DIAPH3: variants seen among roughly 807,000 people sequenced by gnomAD.
DIAPH3 encodes the protein diaphanous related formin 3.
DIAPH3 carries 117 observed loss-of-function variants against 144.3 expected under a neutral mutation model. The observed-to-expected ratio is 0.81, with a 90% CI of 0.70 to 0.95. The LOEUF (loss-of-function observed/expected upper bound fraction) is 0.95, where lower values mean the gene tolerates loss of function less well. Among genes scored for constraint, DIAPH3 ranks in the 40% least tolerant of loss-of-function variants. The probability of loss-of-function intolerance (pLI) is 0.00; values close to 1 mark genes in which losing one functional copy is unlikely to be tolerated. For missense variants in DIAPH3, 1,421 were observed against 1,412.7 expected (o/e 1.01, Z -0.09); for synonymous variants, 519 against 488.9 (o/e 1.06, Z -0.81).
At chr13:59,990,264 T>A (rs903771684) in intron 12 of DIAPH3, among the ~76,000 whole-genome samples, 2 of 151,796 alleles carry the variant, frequency 1.3e-5, no homozygotes, top group Non-Finnish European at 2.9e-5. Context: ...TTGGGTCTCC[T>A]CCTTGCTTGT....
chr13:59,828,464 T>C (rs551074914), intron 24 of DIAPH3, among the ~76,000 whole-genome samples: 1 of 151,928 alleles, frequency 6.6e-6, no homozygotes, highest in South Asian at 2.1e-4. Flanking sequence ...AACCTTGGCT[T>C]TTCTTGCAAA....
At chr13:60,061,402 G>A (rs1419047129) in intron 4 of DIAPH3, among the ~76,000 whole-genome samples, 1 of 152,054 alleles carries the variant, frequency 6.6e-6, no homozygotes, top group Non-Finnish European at 1.5e-5. Context: ...AAAGCTGTAT[G>A]TTAGAAATAC....
intron 14 of DIAPH3, among the ~76,000 whole-genome samples, chr13:59,976,926 A>T (rs964565429): frequency 6.6e-6 from 1 of 151,848 alleles, no homozygotes; most frequent in African/African-American, 2.4e-5. Context: ...TGTTTTTTGA[A>T]TGTTGCTATT....
intron 17 of DIAPH3, among the ~76,000 whole-genome samples, chr13:59,963,512 T>A (rs777715605): frequency 4.6e-5 from 7 of 152,146 alleles, no homozygotes; most frequent in Non-Finnish European, 1.0e-4. Flanking sequence ...AAGTCCTCTG[T>A]ATCTACTTCT....
Position 59,989,175 on chromosome 13 carries a change from G to A in DIAPH3, c.1361+1983C>T, listed in dbSNP as rs566326251. Reference sequence around the variant, plus strand: ...AAGATTGCTGAAAAGGTAAAATAGAGGTCCTTCTGAGGTAGATGAAACCAA... The same window carrying A: ...AAGATTGCTGAAAAGGTAAAATAGAAGTCCTTCTGAGGTAGATGAAACCAA... On this transcript the variant is annotated intron_variant, in intron 12 of 27. Coordinates refer to ENST00000400324, the MANE Select transcript of DIAPH3 (RefSeq NM_001042517.2). Among the ~76,000 whole-genome samples, 205 of 151,690 alleles carry A rather than the reference G, an allele frequency of 1.4e-3. 1 individual carries two copies. Among genetic ancestry groups the A allele is most frequent in the African/African-American group, 4.3e-3 (177 of 41,432 alleles).
chr13:59,883,823 A>G (rs2045251328), intron 20 of DIAPH3, among the ~76,000 whole-genome samples: 1 of 151,916 alleles, frequency 6.6e-6, no homozygotes, highest in African/African-American at 2.4e-5. Context: ...TAATTTCTTC[A>G]CAGTAGTTAT....
At chr13:59,875,570 A>G (rs2044570927) in intron 21 of DIAPH3, among the ~76,000 whole-genome samples, 1 of 152,140 alleles carries the variant, frequency 6.6e-6, no homozygotes, top group South Asian at 2.1e-4. Context: ...TGTTGTTTAT[A>G]ACACTATTCA....
At chr13:59,977,722 G>A (rs912148297) in intron 14 of DIAPH3, among the ~76,000 whole-genome samples, 1 of 151,736 alleles carries the variant, frequency 6.6e-6, no homozygotes, top group Non-Finnish European at 1.5e-5. Context: ...CTGACCGAAT[G>A]AAGGAAATGA....
At chr13:59,934,336 T>C (rs1334355778) in intron 17 of DIAPH3, among the ~76,000 whole-genome samples, 1 of 152,166 alleles carries the variant, frequency 6.6e-6, no homozygotes, top group Non-Finnish European at 1.5e-5. Flanking sequence ...TTATAATAAA[T>C]TACCTTTCTA....
intron 27 of DIAPH3, among the ~76,000 whole-genome samples, chr13:59,717,289 T>C (rs1489231062): frequency 6.6e-6 from 1 of 152,266 alleles, no homozygotes; most frequent in East Asian, 1.9e-4. Flanking sequence ...CGATTAAGCT[T>C]TAAGTACTTT....
intron 4 of DIAPH3, among the ~76,000 whole-genome samples, chr13:60,080,914 G>A (rs1284068340): frequency 6.6e-6 from 1 of 151,920 alleles, no homozygotes; most frequent in Non-Finnish European, 1.5e-5. Context: ...AGATGCCTAT[G>A]AACTCAATTT....
At chr13:59,874,767 T>G (rs1461243447) in intron 21 of DIAPH3, among the ~76,000 whole-genome samples, 1 of 152,188 alleles carries the variant, frequency 6.6e-6, no homozygotes, top group Non-Finnish European at 1.5e-5. Context: ...GTGGTAAAAC[T>G]CCTTCAAAAC....
At chr13:59,925,560 G>A (rs1457940884) in intron 17 of DIAPH3, among the ~76,000 whole-genome samples, 1 of 152,060 alleles carries the variant, frequency 6.6e-6, no homozygotes, top group Non-Finnish European at 1.5e-5. Context: ...GTGTAAAGCT[G>A]GCCTTGTAGC....
At chr13:59,972,461 T>C (rs1252161236) in intron 15 of DIAPH3, among the ~76,000 whole-genome samples, 3 of 152,216 alleles carry the variant, frequency 2.0e-5, no homozygotes, top group Admixed American at 6.5e-5. Flanking sequence ...TAATAAATGT[T>C]ACATAATTTT....
At chr13:59,892,693 C>G (rs2045880875) in intron 20 of DIAPH3, among the ~76,000 whole-genome samples, 1 of 151,756 alleles carries the variant, frequency 6.6e-6, no homozygotes, top group African/African-American at 2.4e-5. Context: ...ATTAAAAATA[C>G]TCAATCCAAA....
At chr13:59,837,680 C>T (rs975936513) in intron 23 of DIAPH3, 1 of 148,734 alleles carries the variant, frequency 6.7e-6, no homozygotes, top group Non-Finnish European at 1.5e-5. Flanking sequence ...CATATAACTG[C>T]AATAATATAT....
At position 59,971,221 on chromosome 13, in the gene DIAPH3, C is replaced by T. The variant is rs2140578236; in HGVS notation, c.1651-61G>A. ...CATATCTACAAAACATGTAAATATG[C>T]ACTTTACTCAAAAATAAGGCATTCA... On this transcript the variant is annotated intron_variant, in intron 15 of 27. Coordinates refer to ENST00000400324, the MANE Select transcript of DIAPH3 (RefSeq NM_001042517.2). 2.1e-6 allele frequency: 3 copies of T among 1,456,034 alleles called. No individual in the cohort carries two copies. In the East Asian group the frequency reaches 7.5e-5, roughly 36 times the overall value. 90.2% of individuals were successfully genotyped at this position (1,456,034 alleles called of 1,614,324 possible).
At position 59,918,949 on chromosome 13, in the gene DIAPH3, A is replaced by C. The variant is rs1260547049; in HGVS notation, c.2171-2700T>G. 1.3e-3 allele frequency among the ~76,000 whole-genome samples: 193 copies of C among 151,192 alleles called. 1 individual carries two copies. Among genetic ancestry groups the C allele is most frequent in the Middle Eastern group, 3.4e-3 (1 of 292 alleles). On this transcript the variant is annotated intron_variant, in intron 18 of 27. Coordinates refer to ENST00000400324, the MANE Select transcript of DIAPH3 (RefSeq NM_001042517.2). ...CAGTGAACTTCAAGAAAATACAAAAAAAAAAAAAAAAAATCAGTATTTTTT... is the reference window on the plus strand; with the variant it reads ...CAGTGAACTTCAAGAAAATACAAAACAAAAAAAAAAAAATCAGTATTTTTT...
At chr13:59,746,068 T>C (rs2036688506) in intron 27 of DIAPH3, among the ~76,000 whole-genome samples, 1 of 152,340 alleles carries the variant, frequency 6.6e-6, no homozygotes, top group Non-Finnish European at 1.5e-5. Context: ...ATTTATTTCA[T>C]GTTTATTTTT....
Sources: gnomAD v4.1 joint callset for allele counts (sites outside exome capture counted in the v4.1 genomes callset) on GRCh38, gnomAD v4.1.1 for gene constraint, MANE v1.5 for transcripts, NCBI Gene and HGNC (gene_info 2026-07-23, HGNC 2026-07-21) for gene names.